The following USP16 variants were observed in gnomAD, a reference collection of about 807,000 sequenced individuals.
The protein encoded by USP16 is ubiquitin specific peptidase 16, also known as ubiquitin carboxyl-terminal hydrolase 16.
A neutral mutation model predicts 95.9 loss-of-function variants in USP16; 77 were observed. That is an observed-to-expected ratio of 0.80 (90% confidence interval 0.67 to 0.97). The LOEUF is 0.97. Among genes scored for constraint, USP16 ranks in the 50% least tolerant of loss-of-function variants. The probability of loss-of-function intolerance (pLI) is 0.00; values close to 1 mark genes in which losing one functional copy is unlikely to be tolerated. For synonymous variants in USP16, 303 were observed against 318.2 expected (o/e 0.95, Z 0.51); for missense variants, 943 against 959.9 (o/e 0.98, Z 0.23).
chr21:29,034,060 A>G (rs1190021745), intron 3 of USP16, among the ~76,000 whole-genome samples: 1 of 152,256 alleles, frequency 6.6e-6, no homozygotes, highest in Non-Finnish European at 1.5e-5. Context: ...TGTCGGGGTC[A>G]GAGGATGTCA....
chr21:29,044,887 A>G (rs1049469254), intron 13 of USP16, among the ~76,000 whole-genome samples: 25 of 152,122 alleles, frequency 1.6e-4, no homozygotes, highest in African/African-American at 6.0e-4. Flanking sequence ...TGCTCTAGTG[A>G]ATAACCCTAC....
intron 1 of USP16, chr21:29,025,659 C>A: frequency 1.4e-6 from 1 of 711,046 alleles, no homozygotes; most frequent in Non-Finnish European, 1.7e-6. Flanking sequence ...GCTGTCTTCA[C>A]TACTGCAGAC....
At chr21:29,030,518 G>A (rs1568882968) in intron 2 of USP16, 77 bp from the exon 3 acceptor site, 33 of 1,264,834 alleles carry the variant, frequency 2.6e-5, no homozygotes, top group East Asian at 5.3e-5. Flanking sequence ...AATGTGAATC[G>A]AGGGTAAGTT....
intron 12 of USP16, 100 bp from the exon 13 acceptor site, chr21:29,043,323 A>G (rs542289479): frequency 3.4e-6 from 3 of 881,258 alleles, no homozygotes; most frequent in African/African-American, 1.8e-5. Flanking sequence ...AAAAGCTAAT[A>G]CATAATAGAA....
chr21:29,032,617 G>A (rs914233484), intron 3 of USP16, among the ~76,000 whole-genome samples: 5 of 152,108 alleles, frequency 3.3e-5, no homozygotes, highest in Admixed American at 1.3e-4. Context: ...ATTACTGAGC[G>A]TATTTTATGG....
chr21:29,053,830 T>C lies in USP16; in HGVS notation c.2222T>C (p.Leu741Pro), dbSNP rs1390177124. The change falls in exon 17 of 18, where the codon CTC (leucine) becomes CCC (proline). Residue 741 changes from leucine (L) to proline (P), a missense_variant. Physicochemically the swap from Leu to Pro is moderately conservative, Grantham distance 98. Transcript: ENST00000399976. ...KNVAEENTRV[L>P]YSLYGVVEHS... ...GTTGCAGAAGAAAATACAAGGGTAC[T>C]CTATTCCTTATATGGAGTTGTTGAA... The C allele has an allele frequency of 5.6e-6, 9 of 1,613,604 alleles. No homozygotes were observed. The East Asian group carries it at 1.8e-4, about 32-fold the overall frequency.
intron 2 of USP16, among the ~76,000 whole-genome samples, chr21:29,030,216 G>T (rs1253287305): frequency 6.6e-6 from 1 of 152,050 alleles, no homozygotes; most frequent in Non-Finnish European, 1.5e-5. Context: ...CACAGTGCCT[G>T]CCCTATAGTA....
At position 29,030,769 on chromosome 21, in the gene USP16, A is replaced by G. The variant is rs1177833809; in HGVS notation, c.236A>G (p.His79Arg). 6.2e-7 allele frequency: 1 copy of G among 1,602,702 alleles called. No homozygotes were observed. The highest frequency in any genetic ancestry group is 8.5e-7 in the Non-Finnish European group (1 of 1,176,826). Residue 79 changes from histidine to arginine, a missense_variant, in exon 3 of 18, where the codon CAT becomes CGT. His to Arg is a conservative substitution (Grantham distance 29). Transcript: ENST00000399976. ...GTTTGGCTGTGTCTTAAATGTGGCC[A>G]TCAGGTATGCTTACGTTTTAAGATC... ...PSVWLCLKCG[H>R]QGCGRNSQEQ...
At position 29,054,366 on chromosome 21, in the gene USP16, G is replaced by A. The variant is rs1048856932; in HGVS notation, c.*179G>A. On this transcript the variant is annotated 3_prime_UTR_variant, in exon 18 of 18. Coordinates refer to ENST00000399976, the MANE Select transcript of USP16 (RefSeq NM_006447.3). Reference sequence around the variant, plus strand: ...TAAAAATGTACAAAGGTTTTATATTGTCATAGTGGTTTTTATTCCTGCTTT... The same window carrying A: ...TAAAAATGTACAAAGGTTTTATATTATCATAGTGGTTTTTATTCCTGCTTT... 4 of 821,330 alleles carry A rather than the reference G, an allele frequency of 4.9e-6. No individual in the cohort carries two copies. The highest frequency in any genetic ancestry group is 2.1e-5 in the South Asian group (1 of 48,550). 50.9% of individuals were successfully genotyped at this position (821,330 alleles called of 1,614,324 possible).
intron 8 of USP16, 72 bp from the exon 9 acceptor site, chr21:29,039,409 A>G: frequency 2.0e-6 from 3 of 1,511,144 alleles, no homozygotes; most frequent in Non-Finnish European, 2.7e-6. Flanking sequence ...ATATGATCCT[A>G]AGATTTTCTA....
chr21:29,026,762 C>G (rs1005661739), intron 1 of USP16: 1 of 151,856 alleles, frequency 6.6e-6, no homozygotes, highest in Non-Finnish European at 1.5e-5. Context: ...TGAAATGCCT[C>G]TATTTAAAGT....
intron 13 of USP16, among the ~76,000 whole-genome samples, chr21:29,046,396 C>T (rs1312862718): frequency 1.3e-5 from 2 of 152,120 alleles, no homozygotes; most frequent in East Asian, 1.9e-4. Context: ...GATCATCTTG[C>T]TTTGGCCTTC....
intron 5 of USP16, among the ~76,000 whole-genome samples, chr21:29,037,011 G>A (rs2085167380): frequency 6.6e-6 from 1 of 152,172 alleles, no homozygotes; most frequent in South Asian, 2.1e-4. Flanking sequence ...CAGTAAAAAA[G>A]GGAGATTTAT....
Position 29,038,524 on chromosome 21 carries a change from T to A in USP16, c.732+94T>A, listed in dbSNP as rs2085196916. The stretch of plus-strand genomic sequence containing the variant: ...ATAACTGACACTCATTTCCACTGTT[T>A]TTGTTTGTTTTGTTTTACTTTAGGC... On this transcript the variant is annotated intron_variant, in intron 7 of 17. Coordinates refer to ENST00000399976, the MANE Select transcript of USP16 (RefSeq NM_006447.3). 4.1e-6 allele frequency: 4 copies of A among 970,922 alleles called. No individual in the cohort carries two copies. The South Asian group carries it at 6.3e-5, about 15-fold the overall frequency. The allele number at this position is 970,922 out of a possible 1,614,324, so 60.1% of individuals were successfully genotyped here.
chr21:29,054,311 G>T lies in USP16; in HGVS notation c.*124G>T. On this transcript the variant is annotated 3_prime_UTR_variant, in exon 18 of 18. Transcript: ENST00000399976. Reference sequence around the variant, plus strand: ...TTAAATACATGCCAGAAGAAATCATGTTTATTTAAATATTGAAGGGAAAAA... The same window carrying T: ...TTAAATACATGCCAGAAGAAATCATTTTTATTTAAATATTGAAGGGAAAAA... 3.3e-6 allele frequency: 4 copies of T among 1,216,052 alleles called. No individual in the cohort carries two copies. The highest frequency in any genetic ancestry group is 2.6e-5 in the East Asian group (1 of 39,136). 75.3% of individuals were successfully genotyped at this position (1,216,052 alleles called of 1,614,324 possible).
At position 29,046,966 on chromosome 21, in the gene USP16, T is replaced by C; in HGVS notation, c.1656T>C (p.Ser552=). The stretch of plus-strand genomic sequence containing the variant: ...ATGATCTGGAGGTTTTAACATCTTC[T>C]CCCACTAGGAATTTAAATGGTGCCT... ...MDNDLEVLTS[S]PTRNLNGAYL... is the part of the protein sequence containing the mutation. The change falls in exon 14 of 18, where the codon TCT becomes TCC. Residue 552 remains serine, a synonymous_variant. Coordinates refer to ENST00000399976, the MANE Select transcript of USP16 (RefSeq NM_006447.3). 1 of 1,614,098 alleles carries C rather than the reference T, an allele frequency of 6.2e-7. No individual in the cohort carries two copies. Among genetic ancestry groups the C allele is most frequent in the Non-Finnish European group, 8.5e-7 (1 of 1,180,002 alleles).
chr21:29,053,545 G>T (rs112631406), intron 16 of USP16: 2 of 363,272 alleles, frequency 5.5e-6, no homozygotes, highest in African/African-American at 2.1e-5. Flanking sequence ...TCAGTTATTT[G>T]GTATCTGAGC....
intron 14 of USP16, among the ~76,000 whole-genome samples, chr21:29,048,451 C>T (rs2085364327): frequency 6.6e-6 from 1 of 152,088 alleles, no homozygotes; most frequent in Non-Finnish European, 1.5e-5. Context: ...AACTTTCAAC[C>T]TCATTAACCA....
intron 13 of USP16, among the ~76,000 whole-genome samples, chr21:29,046,192 G>C (rs1461130359): frequency 6.6e-6 from 1 of 152,124 alleles, no homozygotes; most frequent in African/African-American, 2.4e-5. Flanking sequence ...TTGGAGTATA[G>C]TGTGCATGAT....
Sources: allele counts gnomAD v4.1 joint callset (sites outside exome capture counted in the v4.1 genomes callset), GRCh38; gene constraint gnomAD v4.1.1; transcripts MANE v1.5; gene names NCBI Gene and HGNC (gene_info 2026-07-23, HGNC 2026-07-21).